The following MECOM variants were observed in gnomAD, a reference collection of about 807,000 sequenced individuals.
The protein encoded by MECOM is MDS1 and EVI1 complex locus.
Under a neutral mutation model 116.3 loss-of-function variants are expected in MECOM, and 13 were observed. The observed-to-expected ratio is 0.11, with a 90% CI of 0.07 to 0.18. The LOEUF is 0.18. MECOM is among the 10% of genes least tolerant of loss of function. The probability of loss-of-function intolerance (pLI) is 1.00; values close to 1 mark genes in which losing one functional copy is unlikely to be tolerated. For missense variants in MECOM, 1,299 were observed against 1,509.0 expected, an observed-to-expected ratio of 0.86 and a Z score of 2.31; for synonymous variants, 528 against 535.2, an observed-to-expected ratio of 0.99 and a Z score of 0.19.
intron 13 of MECOM, among the ~76,000 whole-genome samples, chr3:169,094,818 A>T (rs567622811): frequency 6.6e-6 from 1 of 152,318 alleles, no homozygotes; most frequent in East Asian, 1.9e-4. Context: ...CTGCGAGTTT[A>T]GGTCATTGTC....
At chr3:169,106,691 G>A (rs1388949241) in intron 10 of MECOM, among the ~76,000 whole-genome samples, 1 of 152,000 alleles carries the variant, frequency 6.6e-6, no homozygotes, top group African/African-American at 2.4e-5. Flanking sequence ...GTATGTAAGG[G>A]GTCAACACCT....
intron 3 of MECOM, among the ~76,000 whole-genome samples, chr3:169,135,018 TATA>T (rs1426603923): frequency 2.0e-5 from 3 of 152,016 alleles, no homozygotes; most frequent in Non-Finnish European, 4.4e-5. Flanking sequence ...CATATTTGTA[TATA>T]ATAAGTATGT....
intron 2 of MECOM, among the ~76,000 whole-genome samples, chr3:169,161,727 ATG>A (rs1338203881): frequency 6.6e-6 from 1 of 152,174 alleles, no homozygotes; most frequent in African/African-American, 2.4e-5. Context: ...GATAAACAGA[ATG>A]AGGAGAAAGG....
chr3:169,122,166 T>A (rs772659039), intron 6 of MECOM, among the ~76,000 whole-genome samples: 1 of 152,122 alleles, frequency 6.6e-6, no homozygotes, highest in African/African-American at 2.4e-5. Flanking sequence ...AATATAAGAG[T>A]CACCCATTCT....
At chr3:169,348,851 G>A (rs1281766423) in intron 2 of MECOM, among the ~76,000 whole-genome samples, 1 of 151,928 alleles carries the variant, frequency 6.6e-6, no homozygotes, top group Non-Finnish European at 1.5e-5. Context: ...TCAGCAGCAT[G>A]ATACATTACT....
At chr3:169,164,031 G>C (rs1306298307) in intron 2 of MECOM, among the ~76,000 whole-genome samples, 1 of 152,108 alleles carries the variant, frequency 6.6e-6, no homozygotes, top group African/African-American at 2.4e-5. Flanking sequence ...TTGAACCAAT[G>C]TTTGGTTTGT....
At chr3:169,338,085 A>T (rs1577764638) in intron 2 of MECOM, among the ~76,000 whole-genome samples, 1 of 152,352 alleles carries the variant, frequency 6.6e-6, no homozygotes, top group East Asian at 1.9e-4. Context: ...ATATAATCAG[A>T]GGGTGTTTGT....
Position 169,650,872 on chromosome 3 carries a change from G to A in MECOM, c.37+12464C>T, listed in dbSNP as rs956633078. ...CCCAAATGTCATCCACAGGGAATTG[G>A]TTCAATGAAATGTGTTAGATCTAAA... On this transcript the variant is annotated intron_variant, in intron 1 of 16. Transcript: ENST00000651503. Among the ~76,000 whole-genome samples the A allele has an allele frequency of 2.6e-5, 4 of 152,038 alleles. 1 individual carries two copies. Among genetic ancestry groups the A allele is most frequent in the Admixed American group, 2.6e-4 (4 of 15,274 alleles).
At chr3:169,424,478 G>GGT (rs1740311872) in intron 1 of MECOM, among the ~76,000 whole-genome samples, 1 of 152,096 alleles carries the variant, frequency 6.6e-6, no homozygotes, top group South Asian at 2.1e-4. Flanking sequence ...AAAAGTCACA[G>GGT]CTCATGACCT....
intron 9 of MECOM, among the ~76,000 whole-genome samples, chr3:169,109,660 C>T (rs1479447605): frequency 6.6e-6 from 1 of 152,200 alleles, no homozygotes; most frequent in South Asian, 2.1e-4. Context: ...AGGTGATCCG[C>T]CCGCCTCGGC....
At chr3:169,226,435 A>G (rs1752737647) in intron 2 of MECOM, among the ~76,000 whole-genome samples, 1 of 152,224 alleles carries the variant, frequency 6.6e-6, no homozygotes, top group Admixed American at 6.5e-5. Flanking sequence ...TGAATTACGT[A>G]TTATGAATTT....
chr3:169,660,091 T>G (rs973414323), intron 1 of MECOM, among the ~76,000 whole-genome samples: 5 of 152,288 alleles, frequency 3.3e-5, no homozygotes, highest in Non-Finnish European at 1.5e-5. Flanking sequence ...GCTTTAGACA[T>G]GCTGCGCAGA....
chr3:169,323,895 C>T (rs1227130668), intron 2 of MECOM, among the ~76,000 whole-genome samples: 1 of 152,130 alleles, frequency 6.6e-6, no homozygotes, highest in Non-Finnish European at 1.5e-5. Flanking sequence ...ACAAAAATGT[C>T]TTCTTTCCCA....
At chr3:169,180,292 A>C (rs1055598685) in intron 2 of MECOM, among the ~76,000 whole-genome samples, 1 of 152,140 alleles carries the variant, frequency 6.6e-6, no homozygotes, top group Non-Finnish European at 1.5e-5. Context: ...CTTGGTTGGC[A>C]CTAAATGAAA....
intron 1 of MECOM, among the ~76,000 whole-genome samples, chr3:169,440,072 G>A (rs1396837403): frequency 6.6e-6 from 1 of 152,250 alleles, no homozygotes; most frequent in Non-Finnish European, 1.5e-5. Flanking sequence ...GCAGAAGAAT[G>A]AAATAGGGAA....
chr3:169,498,629 G>A (rs1220003711), intron 1 of MECOM, among the ~76,000 whole-genome samples: 2 of 152,208 alleles, frequency 1.3e-5, no homozygotes, highest in Admixed American at 6.5e-5. Flanking sequence ...ACCTGGTGGA[G>A]TTGAGGCAAC....
intron 1 of MECOM, among the ~76,000 whole-genome samples, chr3:169,440,085 T>C (rs923715785): frequency 1.5e-4 from 23 of 152,090 alleles, no homozygotes; most frequent in Admixed American, 1.4e-3. Flanking sequence ...ATAGGGAAAA[T>C]GCACATAGAG....
intron 1 of MECOM, among the ~76,000 whole-genome samples, chr3:169,413,219 G>T (rs886114516): frequency 6.6e-6 from 1 of 152,196 alleles, no homozygotes; most frequent in Admixed American, 6.5e-5. Flanking sequence ...CCGAAGCAGG[G>T]TGAGGCATTG....
At chr3:169,482,201 C>T (rs896334375) in intron 1 of MECOM, among the ~76,000 whole-genome samples, 16 of 152,202 alleles carry the variant, frequency 1.1e-4, no homozygotes, top group Admixed American at 3.3e-4. Flanking sequence ...GTCTGTACTT[C>T]CCTTACAGGC....
Sources: gnomAD v4.1 joint callset for allele counts (sites outside exome capture counted in the v4.1 genomes callset) on GRCh38, gnomAD v4.1.1 for gene constraint, MANE v1.5 for transcripts, NCBI Gene and HGNC (gene_info 2026-07-23, HGNC 2026-07-21) for gene names.